Variants in TTF1 observed in about 807,000 individuals in gnomAD.
TTF1 encodes transcription termination factor 1.
In TTF1, 64 loss-of-function variants were observed where a neutral mutation model predicts 80.2. The ratio of observed to expected loss-of-function variants is 0.80; its 90% CI spans 0.65 to 0.98. TTF1 has a LOEUF of 0.98. TTF1 is among the 50% of genes least tolerant of loss of function. TTF1 has a pLI of 0.00. For missense variants in TTF1, 1,023 were observed against 1,086.2 expected (o/e 0.94, Z 0.82); for synonymous variants, 372 against 382.7 (o/e 0.97, Z 0.33).
chr9:132,386,955 C>T (rs951017893), intron 8 of TTF1, among the ~76,000 whole-genome samples: 5 of 151,996 alleles, frequency 3.3e-5, no homozygotes, highest in African/African-American at 2.4e-5. Flanking sequence ...ATGTGACAGA[C>T]ACTGTGAAGG....
chr9:132,379,136 G>A lies in TTF1; in HGVS notation c.2387C>T (p.Pro796Leu), dbSNP rs1410360671. Residue 796 changes from proline (P) to leucine (L), a missense_variant, in exon 10 of 11, where the codon CCT becomes CTT. Coordinates refer to ENST00000334270, the MANE Select transcript of TTF1 (RefSeq NM_007344.4). The part of the protein sequence containing the change: ...EDLASAIGDV[P>L]PSYVQTKFSR... ...AAATTTAGTTTGAACGTAAGATGGA[G>A]GAACATCACTTTAGAAAAGGAAAGA... 2 of 1,602,694 alleles carry A rather than the reference G, an allele frequency of 1.2e-6. No homozygotes were observed. Among genetic ancestry groups the A allele is most frequent in the South Asian group, 1.1e-5 (1 of 88,236 alleles).
chr9:132,377,965 G>T (rs1849260435), intron 10 of TTF1, among the ~76,000 whole-genome samples: 1 of 133,158 alleles, frequency 7.5e-6, no homozygotes, highest in Non-Finnish European at 1.6e-5. Context: ...TGCATGTGGT[G>T]TGTGTGAGTG....
intron 9 of TTF1, among the ~76,000 whole-genome samples, chr9:132,379,984 G>C (rs1039471419): frequency 1.8e-4 from 27 of 152,164 alleles, no homozygotes; most frequent in African/African-American, 6.3e-4. Flanking sequence ...GGTAAAAGAT[G>C]ATCAGATTCT....
intron 5 of TTF1, among the ~76,000 whole-genome samples, chr9:132,393,865 A>G (rs548331629): frequency 6.6e-6 from 1 of 152,304 alleles, no homozygotes; most frequent in South Asian, 2.1e-4. Context: ...TCAGATTCCT[A>G]TCTGAGTAGG....
At chr9:132,398,114 T>C in intron 4 of TTF1, 27 bp downstream of exon 4, 1 of 1,540,748 alleles carries the variant, frequency 6.5e-7, no homozygotes, top group Admixed American at 2.2e-5. Context: ...CTGTGGATGG[T>C]CAAAGGGTGA....
Position 132,402,772 on chromosome 9 carries a change from T to A in TTF1, c.50A>T (p.Lys17Met). 1 of 1,601,050 alleles carries A rather than the reference T, an allele frequency of 6.2e-7. No homozygotes were observed. Among genetic ancestry groups the A allele is most frequent in the Non-Finnish European group, 8.5e-7 (1 of 1,176,792 alleles). The change falls in exon 2 of 11, where the codon AAG (lysine) becomes ATG (methionine). Residue 17 changes from lysine (K) to methionine (M), a missense_variant. Coordinates refer to ENST00000334270, the MANE Select transcript of TTF1 (RefSeq NM_007344.4). ...RFEIHTPVSD[K>M]KKKKCSIHKE... is the part of the protein sequence containing the mutation. ...ATGTATAGAACACTTTTTCTTTTTC[T>A]TGTCAGAAACTGGAGTGTGGATTTC...
At chr9:132,404,107 G>A (rs1929903) in intron 1 of TTF1, among the ~76,000 whole-genome samples, 137,192 of 152,272 alleles carry the variant, frequency 0.9, 61,926 homozygotes, top group East Asian at 0.97. Context: ...TTGGCTAAAT[G>A]ACACATTTAC....
chr9:132,377,618 G>GGTGC (rs1249057234), intron 10 of TTF1, among the ~76,000 whole-genome samples: 1,613 of 37,976 alleles, frequency 0.042, 199 homozygotes, highest in Middle Eastern at 0.14. Flanking sequence ...GAATGCATGT[G>GGTGC]GTGTGAGTGC....
At chr9:132,397,735 C>G (rs1222084520) in intron 4 of TTF1, among the ~76,000 whole-genome samples, 1 of 152,152 alleles carries the variant, frequency 6.6e-6, no homozygotes, top group Non-Finnish European at 1.5e-5. Flanking sequence ...GCCTGTAATC[C>G]CAGCACTTTG....
intron 9 of TTF1, among the ~76,000 whole-genome samples, chr9:132,379,450 G>C (rs946049027): frequency 7.2e-5 from 11 of 152,284 alleles, no homozygotes; most frequent in African/African-American, 2.6e-4. Flanking sequence ...GTATAATGCC[G>C]GCTAACGGGC....
chr9:132,380,808 C>A (rs1165889626), intron 9 of TTF1, among the ~76,000 whole-genome samples: 1 of 152,098 alleles, frequency 6.6e-6, no homozygotes, highest in African/African-American at 2.4e-5. Context: ...TGACTAGATG[C>A]CATAATCTCT....
In TTF1 at chr9:132,377,178, T is replaced by TGTGTGAGTGCATGCATGTG. The variant is rs1468000615; in HGVS notation, c.2465-1029_2465-1011dup. On this transcript the variant is annotated intron_variant, in intron 10 of 10. Coordinates refer to ENST00000334270, the MANE Select transcript of TTF1 (RefSeq NM_007344.4). The stretch of plus-strand genomic sequence containing the variant: ...GCATGTGGTGAGTGCATGCATGTGG[T>TGTGTGAGTGCATGCATGTG]GTGTGAGTGCATGCATGTGGTGTGA... 1.7e-3 allele frequency among the ~76,000 whole-genome samples: 240 copies of TGTGTGAGTGCATGCATGTG among 144,836 alleles called. 4 individuals are homozygous for TGTGTGAGTGCATGCATGTG. The highest frequency in any genetic ancestry group is 4.3e-3 in the African/African-American group (164 of 37,830).
Position 132,390,855 on chromosome 9 carries a change from T to C in TTF1, c.1988-24A>G. ...TTCTGTAGATATAAAAAGATGGTCTTATAGTAGCTAGTCTATTTGCTTTCA... is the reference window on the plus strand; with the variant it reads ...TTCTGTAGATATAAAAAGATGGTCTCATAGTAGCTAGTCTATTTGCTTTCA... On this transcript the variant is annotated intron_variant, in intron 6 of 10. Coordinates refer to ENST00000334270, the MANE Select transcript of TTF1 (RefSeq NM_007344.4). The C allele has an allele frequency of 2.5e-6, 4 of 1,594,994 alleles. No homozygotes were observed. The South Asian group carries it at 4.5e-5, about 18-fold the overall frequency.
At chr9:132,406,400 G>A (rs1376618531) in intron 1 of TTF1, among the ~76,000 whole-genome samples, 1 of 152,080 alleles carries the variant, frequency 6.6e-6, no homozygotes, top group Non-Finnish European at 1.5e-5. Flanking sequence ...TCAGGAGTTC[G>A]AGACCAGCCT....
At chr9:132,397,607 G>A (rs1387317547) in intron 4 of TTF1, among the ~76,000 whole-genome samples, 4 of 152,214 alleles carry the variant, frequency 2.6e-5, no homozygotes, top group Admixed American at 2.6e-4. Flanking sequence ...AAGGAAGAAA[G>A]GTAAAAGTTG....
chr9:132,399,591 C>T (rs896943236), intron 3 of TTF1, among the ~76,000 whole-genome samples: 1 of 152,062 alleles, frequency 6.6e-6, no homozygotes, highest in Non-Finnish European at 1.5e-5. Flanking sequence ...AAGAGAGGTT[C>T]AGAAACACAG....
chr9:132,390,607 T>C lies in TTF1; in HGVS notation c.2212A>G (p.Lys738Glu). ...KVQTRNWMQC[K>E]SKWTEILTKR... is the part of the protein sequence containing the mutation. ...GAGGGAAGAACTTACCACTTACTTT[T>C]ACACTGCATCCAATTTCTGGTTTGC... Residue 738 changes from lysine (K) to glutamate (E), a missense_variant, in exon 7 of 11, where the codon AAA becomes GAA. Coordinates refer to ENST00000334270, the MANE Select transcript of TTF1 (RefSeq NM_007344.4). 6.2e-7 allele frequency: 1 copy of C among 1,614,186 alleles called. No individual in the cohort carries two copies. The highest frequency in any genetic ancestry group is 8.5e-7 in the Non-Finnish European group (1 of 1,180,012).
At chr9:132,385,802 G>GTACCTTCTGTATCAATAA (rs1849456350) in intron 9 of TTF1, among the ~76,000 whole-genome samples, 1 of 131,440 alleles carries the variant, frequency 7.6e-6, no homozygotes, top group African/African-American at 2.8e-5. Context: ...ACAGAAGGTA[G>GTACCTTCTGTATCAATAA]TCAATAATTA....
At chr9:132,401,365 A>T (rs1849758644) in intron 2 of TTF1, 90 bp downstream of exon 2, 2 of 1,171,986 alleles carry the variant, frequency 1.7e-6, no homozygotes, top group East Asian at 5.8e-5. Flanking sequence ...AAAATTAAAA[A>T]TAAAAAAAAG....
Sources: allele counts gnomAD v4.1 joint callset (sites outside exome capture counted in the v4.1 genomes callset), GRCh38; gene constraint gnomAD v4.1.1; transcripts MANE v1.5; gene names NCBI Gene and HGNC (gene_info 2026-07-23, HGNC 2026-07-21).